ICA1: variants seen among roughly 807,000 people sequenced by gnomAD.
ICA1 encodes islet cell autoantigen 1.
Under a neutral mutation model 71.0 loss-of-function variants are expected in ICA1, and 40 were observed. The ratio of observed to expected loss-of-function variants is 0.56; its 90% CI spans 0.44 to 0.73. The LOEUF is 0.73. Ranked by LOEUF, ICA1 falls within the 30% of genes least tolerant of loss-of-function variation. The pLI, the probability that ICA1 is intolerant of heterozygous loss-of-function variation, is 0.00. For missense variants in ICA1, 578 were observed against 576.5 expected (o/e 1.00, Z -0.03); for synonymous variants, 207 against 209.5 (o/e 0.99, Z 0.10).
At chr7:8,125,447 C>A (rs1010897768) in intron 13 of ICA1, among the ~76,000 whole-genome samples, 1 of 152,190 alleles carries the variant, frequency 6.6e-6, no homozygotes, top group African/African-American at 2.4e-5. Flanking sequence ...ATTCTCACCT[C>A]CTGCAAGTCT....
intron 6 of ICA1, among the ~76,000 whole-genome samples, chr7:8,170,521 T>C (rs1807922839): frequency 6.6e-6 from 1 of 152,006 alleles, no homozygotes; most frequent in Non-Finnish European, 1.5e-5. Context: ...TTTGGGTAGA[T>C]TTTGGTGCAC....
At chr7:8,216,562 A>C (rs1277850377) in intron 6 of ICA1, among the ~76,000 whole-genome samples, 3 of 147,786 alleles carry the variant, frequency 2.0e-5, no homozygotes, top group African/African-American at 7.9e-5. Context: ...TACAGTTAGT[A>C]ACCACCCCCA....
At chr7:8,136,201 C>T (rs546801650) in intron 12 of ICA1, among the ~76,000 whole-genome samples, 4 of 152,196 alleles carry the variant, frequency 2.6e-5, no homozygotes, top group Admixed American at 6.5e-5. Flanking sequence ...TTGTCACGAG[C>T]GGTCTGCTTT....
intron 6 of ICA1, among the ~76,000 whole-genome samples, chr7:8,189,785 G>A (rs540973716): frequency 1.3e-5 from 2 of 151,756 alleles, no homozygotes; most frequent in East Asian, 3.9e-4. Context: ...GGCTGGGCAG[G>A]GGGGCTGGGC....
chr7:8,121,985 G>A (rs1267558629), intron 13 of ICA1, among the ~76,000 whole-genome samples: 1 of 152,170 alleles, frequency 6.6e-6, no homozygotes, highest in African/African-American at 2.4e-5. Flanking sequence ...ATGGACTTGG[G>A]GAGCAGAAAC....
At chr7:8,115,549 G>A (rs980296331) in intron 13 of ICA1, among the ~76,000 whole-genome samples, 1 of 152,178 alleles carries the variant, frequency 6.6e-6, no homozygotes, top group Admixed American at 6.5e-5. Context: ...TTGCCGTGAG[G>A]AGCCAGTGAT....
intron 6 of ICA1, among the ~76,000 whole-genome samples, chr7:8,176,592 A>G (rs1780705612): frequency 6.6e-6 from 1 of 152,230 alleles, no homozygotes; most frequent in Non-Finnish European, 1.5e-5. Flanking sequence ...GGCATGCACA[A>G]CAATGAGTAA....
chr7:8,131,656 G>A (rs1299683656), intron 12 of ICA1, among the ~76,000 whole-genome samples: 6 of 152,112 alleles, frequency 3.9e-5, no homozygotes, highest in Non-Finnish European at 5.9e-5. Context: ...CCCAATTATT[G>A]CACTGATAAT....
chr7:8,251,559 A>C lies in ICA1; in HGVS notation c.-80+10535T>G, dbSNP rs113286017. Among the ~76,000 whole-genome samples, 180 of 151,622 alleles carry C rather than the reference A, an allele frequency of 1.2e-3. 2 individuals carry two copies. The highest frequency in any genetic ancestry group is 4.3e-3 in the African/African-American group (177 of 41,268). On this transcript the variant is annotated intron_variant, in intron 1 of 13. Coordinates refer to ENST00000402384, the MANE Select transcript of ICA1 (RefSeq NM_001136020.3). Reference sequence around the variant, plus strand: ...AGATAATGAACACAACATCCTTTTCAATGATTAAAAAATTGGGGTTCTAAA... The same window carrying C: ...AGATAATGAACACAACATCCTTTTCCATGATTAAAAAATTGGGGTTCTAAA...
At chr7:8,172,824 T>C (rs1808871482) in intron 6 of ICA1, among the ~76,000 whole-genome samples, 1 of 152,190 alleles carries the variant, frequency 6.6e-6, no homozygotes, top group Admixed American at 6.5e-5. Flanking sequence ...TTCTCAAATG[T>C]CACTGGCAGT....
At chr7:8,259,772 T>G (rs1309157700) in intron 1 of ICA1, among the ~76,000 whole-genome samples, 1 of 152,158 alleles carries the variant, frequency 6.6e-6, no homozygotes, top group Non-Finnish European at 1.5e-5. Context: ...TCCTCCATAC[T>G]CCCTCAGAGT....
At chr7:8,211,886 A>G (rs1271792475) in intron 6 of ICA1, among the ~76,000 whole-genome samples, 1 of 152,182 alleles carries the variant, frequency 6.6e-6, no homozygotes, top group South Asian at 2.1e-4. Flanking sequence ...AAGGAGCCAG[A>G]CCACTTATAG....
intron 3 of ICA1, among the ~76,000 whole-genome samples, chr7:8,231,908 C>A (rs1800392964): frequency 1.3e-5 from 2 of 152,160 alleles, no homozygotes; most frequent in Admixed American, 1.3e-4. Context: ...AGTTCATTAA[C>A]CTTAGTGTAT....
At chr7:8,258,587 CGAA>C (rs1221023190) in intron 1 of ICA1, among the ~76,000 whole-genome samples, 3 of 152,118 alleles carry the variant, frequency 2.0e-5, no homozygotes, top group Non-Finnish European at 4.4e-5. Flanking sequence ...ATTCATTTCA[CGAA>C]GAAGTTTAAG....
rs573673718 is a variant in ICA1 at position 8,255,779 on chromosome 7, C to CTTTTTTTTTTTT, written c.-80+6303_-80+6314dup. ...TAAGTTGAAAACCTCACTTCTTTCTCTTTTTTTTTTTTTTTGGCAGGGTCT... is the reference window on the plus strand; with the variant it reads ...TAAGTTGAAAACCTCACTTCTTTCTCTTTTTTTTTTTTTTTTTTTTTTTTTTTGGCAGGGTCT... On this transcript the variant is annotated intron_variant, in intron 1 of 13. Coordinates refer to ENST00000402384, the MANE Select transcript of ICA1 (RefSeq NM_001136020.3). Among the ~76,000 whole-genome samples the CTTTTTTTTTTTT allele has an allele frequency of 1.3e-3, 168 of 132,880 alleles. 2 individuals are homozygous for CTTTTTTTTTTTT. Among genetic ancestry groups the CTTTTTTTTTTTT allele is most frequent in the African/African-American group, 3.8e-3 (124 of 32,860 alleles). 87.2% of individuals were successfully genotyped at this position (132,880 alleles called of 152,430 possible).
intron 8 of ICA1, among the ~76,000 whole-genome samples, chr7:8,153,089 C>A (rs1223580245): frequency 6.6e-6 from 1 of 152,226 alleles, no homozygotes; most frequent in East Asian, 1.9e-4. Context: ...CTTTCACAAC[C>A]ACTCACGCCT....
chr7:8,215,017 A>C, intron 6 of ICA1, among the ~76,000 whole-genome samples: 1 of 151,998 alleles, frequency 6.6e-6, no homozygotes. Context: ...TGGTTACCTT[A>C]TGTCTCATCC....
intron 6 of ICA1, among the ~76,000 whole-genome samples, chr7:8,192,469 C>T (rs144760665): frequency 1.2e-4 from 18 of 152,236 alleles, no homozygotes; most frequent in South Asian, 2.1e-4. Flanking sequence ...CCACCACTAG[C>T]GATGTTAACT....
intron 8 of ICA1, among the ~76,000 whole-genome samples, chr7:8,146,505 G>A (rs1228014487): frequency 6.6e-6 from 1 of 152,032 alleles, no homozygotes; most frequent in Non-Finnish European, 1.5e-5. Context: ...TTAACATTTT[G>A]CCCCATTTTG....
Sources: allele counts gnomAD v4.1 joint callset (sites outside exome capture counted in the v4.1 genomes callset), GRCh38; gene constraint gnomAD v4.1.1; transcripts MANE v1.5; gene names NCBI Gene and HGNC (gene_info 2026-07-23, HGNC 2026-07-21).